Variants in CPO observed in about 807,000 individuals in gnomAD.
CPO encodes the protein carboxypeptidase O.
Under a neutral mutation model 41.2 loss-of-function variants are expected in CPO, and 43 were observed. The ratio of observed to expected loss-of-function variants is 1.04; its 90% CI spans 0.82 to 1.35. CPO has a LOEUF of 1.35. Among genes scored for constraint, CPO ranks in the 40% most tolerant of loss-of-function variants. CPO has a pLI of 0.00. For missense variants in CPO, 408 were observed against 451.7 expected (o/e 0.90, Z 0.88); for synonymous variants, 178 against 162.7 (o/e 1.09, Z -0.72).
intron 2 of CPO, among the ~76,000 whole-genome samples, chr2:206,952,322 C>G (rs1481452315): frequency 6.6e-6 from 1 of 152,006 alleles, no homozygotes; most frequent in East Asian, 1.9e-4. Context: ...ACCATCTTGG[C>G]CAGGTTGGTC....
chr2:206,955,082 G>A (rs916175945), intron 2 of CPO, among the ~76,000 whole-genome samples: 1 of 152,160 alleles, frequency 6.6e-6, no homozygotes, highest in African/African-American at 2.4e-5. Context: ...CTGTAAAGAT[G>A]GAAGAAAATC....
In CPO at chr2:206,969,292, G is replaced by C. The variant is rs1693641256; in HGVS notation, c.981G>C (p.Gln327His). 1 of 1,614,094 alleles carries C rather than the reference G, an allele frequency of 6.2e-7. No homozygotes were observed. Among genetic ancestry groups the C allele is most frequent in the East Asian group, 2.2e-5 (1 of 44,848 alleles). ...TTGTTCTGCCAGAAGCTCAGATCCA[G>C]CCCACCTGTGAGGAGACCATGGAGG... Reference protein sequence around the residue: ...YGFVLPEAQIQPTCEETMEAV... With the variant: ...YGFVLPEAQIHPTCEETMEAV... The change falls in exon 9 of 9, where the codon CAG (glutamine) becomes CAC (histidine). Residue 327 changes from glutamine (Q) to histidine (H), a missense_variant. By Grantham distance (24) the Gln-to-His change is conservative (BLOSUM62 0). Coordinates refer to ENST00000272852, the MANE Select transcript of CPO (RefSeq NM_173077.3).
intron 7 of CPO, among the ~76,000 whole-genome samples, chr2:206,967,709 G>A (rs1693612716): frequency 6.6e-6 from 1 of 152,168 alleles, no homozygotes; most frequent in Non-Finnish European, 1.5e-5. Context: ...TGTTGGGAAG[G>A]TGGGTTAGAG....
intron 6 of CPO, 81 bp from the exon 7 acceptor site, chr2:206,962,331 T>C: frequency 1.6e-6 from 2 of 1,256,362 alleles, no homozygotes; most frequent in Non-Finnish European, 2.3e-6. Context: ...ACAGAGGCCC[T>C]GAGTATGGAT....
At chr2:206,965,460 T>C (rs1480553877) in intron 7 of CPO, among the ~76,000 whole-genome samples, 1 of 152,208 alleles carries the variant, frequency 6.6e-6, no homozygotes, top group Admixed American at 6.5e-5. Flanking sequence ...TGGTAAATAT[T>C]ATACTACATG....
At chr2:206,955,070 A>T (rs1389484217) in intron 2 of CPO, among the ~76,000 whole-genome samples, 1 of 152,218 alleles carries the variant, frequency 6.6e-6, no homozygotes, top group Non-Finnish European at 1.5e-5. Context: ...TATCACCGGG[A>T]TCTGTAAAGA....
At chr2:206,947,612 C>G (rs979684712) in intron 1 of CPO, among the ~76,000 whole-genome samples, 6 of 151,552 alleles carry the variant, frequency 4.0e-5, no homozygotes, top group Admixed American at 3.9e-4. Flanking sequence ...AACAAAAAGA[C>G]AAGCCACAAA....
intron 7 of CPO, among the ~76,000 whole-genome samples, chr2:206,964,476 T>C (rs1304692614): frequency 6.6e-6 from 1 of 152,186 alleles, no homozygotes; most frequent in Non-Finnish European, 1.5e-5. Context: ...CAGAACTCTA[T>C]AAATAGGAAG....
chr2:206,949,241 G>C (rs939451958), intron 1 of CPO, among the ~76,000 whole-genome samples: 1 of 152,164 alleles, frequency 6.6e-6, no homozygotes, highest in Non-Finnish European at 1.5e-5. Context: ...CAGAGTTTTA[G>C]AGAGAAATAA....
intron 1 of CPO, among the ~76,000 whole-genome samples, chr2:206,949,244 A>C (rs1007197503): frequency 6.6e-6 from 1 of 152,222 alleles, no homozygotes; most frequent in African/African-American, 2.4e-5. Context: ...AGTTTTAGAG[A>C]GAAATAAATG....
At chr2:206,943,731 T>TAGAC (rs1693081423) in intron 1 of CPO, among the ~76,000 whole-genome samples, 1 of 22,574 alleles carries the variant, frequency 4.4e-5, no homozygotes, top group East Asian at 8.1e-4. Flanking sequence ...GGATAGATGA[T>TAGAC]AGATAGATAG....
chr2:206,953,178 G>A (rs886543822), intron 2 of CPO, among the ~76,000 whole-genome samples: 1 of 152,106 alleles, frequency 6.6e-6, no homozygotes, highest in Admixed American at 6.6e-5. Context: ...AACTAATCAT[G>A]CCTTCCCAAC....
intron 2 of CPO, 116 bp downstream of exon 2, chr2:206,949,829 G>T: frequency 3.4e-6 from 2 of 593,888 alleles, no homozygotes; most frequent in Non-Finnish European, 6.1e-6. Context: ...GTGGTGTTAA[G>T]ATCTGCCAAT....
chr2:206,965,268 C>T (rs1693551192), intron 7 of CPO, among the ~76,000 whole-genome samples: 1 of 152,104 alleles, frequency 6.6e-6, no homozygotes. Flanking sequence ...CACACGTCTA[C>T]CTCATTGAAG....
intron 5 of CPO, 126 bp from the exon 6 acceptor site, chr2:206,960,726 G>A: frequency 1.4e-6 from 1 of 734,722 alleles, no homozygotes; most frequent in Non-Finnish European, 2.4e-6. Context: ...GCTGCCTAAT[G>A]TTAAAGGGAA....
intron 6 of CPO, 112 bp from the exon 7 acceptor site, chr2:206,962,300 G>A (rs950098255): frequency 9.2e-5 from 83 of 902,484 alleles, no homozygotes; most frequent in Non-Finnish European, 1.4e-4. Context: ...AGACAACCAA[G>A]GGCAAGCGCT....
At chr2:206,953,325 G>A (rs1480026933) in intron 2 of CPO, among the ~76,000 whole-genome samples, 2 of 152,204 alleles carry the variant, frequency 1.3e-5, no homozygotes, top group Non-Finnish European at 2.9e-5. Context: ...TAGATACAAT[G>A]GGGGTACAGG....
Position 206,958,419 on chromosome 2 carries a change from G to C in CPO, c.372+14G>C. ...TTCGTCAAAGAAGTAAGTGTCTTTA[G>C]CTTTCTCATACTGGTAAATCACCCC... On this transcript the variant is annotated intron_variant, in intron 4 of 8. Coordinates refer to ENST00000272852, the MANE Select transcript of CPO (RefSeq NM_173077.3). 1 of 1,423,410 alleles carries C rather than the reference G, an allele frequency of 7.0e-7. No homozygotes were observed. The allele number at this position is 1,423,410 out of a possible 1,614,324, so 88.2% of individuals were successfully genotyped here.
Position 206,969,346 on chromosome 2 carries a change from T to G in CPO, c.1035T>G (p.Tyr345Ter), listed in dbSNP as rs746401804. Residue 345 changes from tyrosine (Y) to a stop codon, truncating the protein, a stop_gained, in exon 9 of 9, where the codon TAT (tyrosine) becomes TAG (stop). Coordinates refer to ENST00000272852, the MANE Select transcript of CPO (RefSeq NM_173077.3). LOFTEE classifies it low-confidence loss of function (END_TRUNC). The part of the protein sequence containing the change: ...EAVLSVLDDV[Y>*]AKHWHSDSAG... Reference sequence around the variant, plus strand: ...TGCTGTCAGTCCTGGATGATGTGTATGCGAAACACTGGCACTCGGACAGTG... The same window carrying G: ...TGCTGTCAGTCCTGGATGATGTGTAGGCGAAACACTGGCACTCGGACAGTG... The G allele has an allele frequency of 6.2e-7, 1 of 1,614,026 alleles. No homozygotes were observed. The highest frequency in any genetic ancestry group is 8.5e-7 in the Non-Finnish European group (1 of 1,179,994).
Sources: gnomAD v4.1 joint callset for allele counts (sites outside exome capture counted in the v4.1 genomes callset) on GRCh38, gnomAD v4.1.1 for gene constraint, MANE v1.5 for transcripts, NCBI Gene and HGNC (gene_info 2026-07-23, HGNC 2026-07-21) for gene names.